Variants in CD6 observed in about 807,000 individuals in gnomAD.
The protein encoded by CD6 is CD6 molecule, also known as T-cell differentiation antigen CD6.
CD6 carries 53 observed loss-of-function variants against 75.3 expected under a neutral mutation model. The ratio of observed to expected loss-of-function variants is 0.70; its 90% CI spans 0.56 to 0.88. CD6 has a LOEUF of 0.88. Among genes scored for constraint, CD6 ranks in the 40% least tolerant of loss-of-function variants. CD6 has a pLI of 0.00. For missense variants in CD6, 770 were observed against 897.1 expected (o/e 0.86, Z 1.81); for synonymous variants, 359 against 381.5 (o/e 0.94, Z 0.69).
intron 9 of CD6, 138 bp from the exon 10 acceptor site, chr11:61,017,341 C>G (rs1290350810): frequency 1.5e-6 from 1 of 662,762 alleles, no homozygotes; most frequent in Non-Finnish European, 2.7e-6. Context: ...ATGGGAAATG[C>G]TAAGCCCTCT....
chr11:61,005,127 G>A (rs1021048281), intron 1 of CD6, among the ~76,000 whole-genome samples: 3 of 152,238 alleles, frequency 2.0e-5, no homozygotes, highest in East Asian at 1.9e-4. Flanking sequence ...TCAGGCCCAC[G>A]CATCAGTTGG....
chr11:61,006,098 C>T (rs1858843170), intron 1 of CD6, among the ~76,000 whole-genome samples: 1 of 152,222 alleles, frequency 6.6e-6, no homozygotes. Flanking sequence ...ATATGAAATT[C>T]TCAAACAAAT....
At chr11:60,992,579 G>A (rs1858109993) in intron 1 of CD6, among the ~76,000 whole-genome samples, 1 of 152,094 alleles carries the variant, frequency 6.6e-6, no homozygotes, top group African/African-American at 2.4e-5. Flanking sequence ...TGTAATCCCA[G>A]CACTTTGGGA....
chr11:60,973,806 G>A (rs906967168), intron 1 of CD6, among the ~76,000 whole-genome samples: 1 of 152,176 alleles, frequency 6.6e-6, no homozygotes, highest in African/African-American at 2.4e-5. Context: ...CGCGGCTTCT[G>A]TAAACTCTCC....
intron 1 of CD6, chr11:60,989,531 A>C (rs918816517): frequency 2.6e-5 from 4 of 152,456 alleles, no homozygotes; most frequent in Non-Finnish European, 4.4e-5. Context: ...GAGAGACAAC[A>C]TTCGAGTCAG....
Position 61,020,048 on chromosome 11 carries a change from G to T in CD6, c.*730G>T, listed in dbSNP as rs1023045692. 2 of 397,758 alleles carry T rather than the reference G, an allele frequency of 5.0e-6. No individual in the cohort carries two copies. Among genetic ancestry groups the T allele is most frequent in the East Asian group, 3.6e-5 (1 of 28,068 alleles). The allele number at this position is 397,758 out of a possible 1,614,324, so 24.6% of individuals were successfully genotyped here. Reference sequence around the variant, plus strand: ...CTGCAGTGACTGTCCCTGGACAATGGGTCTTTATTCTGAGTTTCCTATGGT... The same window carrying T: ...CTGCAGTGACTGTCCCTGGACAATGTGTCTTTATTCTGAGTTTCCTATGGT... On this transcript the variant is annotated 3_prime_UTR_variant, in exon 13 of 13. Transcript: ENST00000313421.
chr11:61,013,913 C>A lies in CD6; in HGVS notation c.1292-6C>A. On this transcript the variant is annotated splice_polypyrimidine_tract_variant and splice_region_variant and intron_variant, in intron 7 of 12. Transcript: ENST00000313421. The stretch of plus-strand genomic sequence containing the variant: ...ACTTGTAGAATTTCTGCCTCCCCTC[C>A]CTCAGCCCTCCCCGTAATGGTGAAC... 1 of 1,598,806 alleles carries A rather than the reference C, an allele frequency of 6.3e-7. No homozygotes were observed. Among genetic ancestry groups the A allele is most frequent in the Non-Finnish European group, 8.5e-7 (1 of 1,171,822 alleles).
At chr11:60,998,911 C>G (rs1858437119) in intron 1 of CD6, among the ~76,000 whole-genome samples, 1 of 150,874 alleles carries the variant, frequency 6.6e-6, no homozygotes, top group Non-Finnish European at 1.5e-5. Context: ...GTAATCCCAG[C>G]ATTTTGGGAG....
In CD6 at chr11:61,015,758, C is replaced by T; in HGVS notation, c.1433C>T (p.Ser478Leu). The change falls in exon 9 of 13, where the codon TCA (serine) becomes TTA (leucine). Residue 478 changes from serine (S) to leucine (L), a missense_variant. Coordinates refer to ENST00000313421, the MANE Select transcript of CD6 (RefSeq NM_006725.5). The part of the protein sequence containing the change: ...IQVQAPPPED[S>L]DSGSDSDYEH... Reference sequence around the variant, plus strand: ...GTCCAGGCCCCGCCCCCTGAGGACTCAGACTCTGGCTCGGACTCAGACTAT... The same window carrying T: ...GTCCAGGCCCCGCCCCCTGAGGACTTAGACTCTGGCTCGGACTCAGACTAT... 2 of 1,614,184 alleles carry T rather than the reference C, an allele frequency of 1.2e-6. No homozygotes were observed. Among genetic ancestry groups the T allele is most frequent in the Non-Finnish European group, 1.7e-6 (2 of 1,180,020 alleles).
rs768691551 is a variant in CD6, at chr11:61,008,537, A to G, written c.473A>G (p.Asn158Ser). Residue 158 changes from asparagine to serine, a missense_variant, in exon 4 of 13, where the codon AAC becomes AGC. Physicochemically the swap from Asn to Ser is conservative, Grantham distance 46 (BLOSUM62 1). Transcript: ENST00000313421. ...GRRARVTCAE[N>S]RALRLVDGGG... The stretch of plus-strand genomic sequence containing the variant: ...CACAACCCCCTCCCACCCCTAGAGA[A>G]CCGCGCGCTGCGCCTGGTGGACGGT... The G allele has an allele frequency of 6.3e-7, 1 of 1,595,088 alleles. No individual in the cohort carries two copies.
At chr11:61,019,034 T>G (rs1859555973) in intron 12 of CD6, 1 of 471,464 alleles carries the variant, frequency 2.1e-6, no homozygotes, top group African/African-American at 2.0e-5. Flanking sequence ...TGTCGTGCAG[T>G]GTGCCATTGT....
chr11:60,972,183 G>A (rs1857209557), intron 1 of CD6, among the ~76,000 whole-genome samples: 1 of 152,184 alleles, frequency 6.6e-6, no homozygotes, highest in Non-Finnish European at 1.5e-5. Context: ...AGGGTGTGAG[G>A]AGGGAGGTGC....
At chr11:60,999,861 A>G (rs1406510617) in intron 1 of CD6, among the ~76,000 whole-genome samples, 3 of 152,074 alleles carry the variant, frequency 2.0e-5, no homozygotes, top group African/African-American at 7.2e-5. Context: ...AGCATGGCCA[A>G]CATAGTGAAA....
intron 1 of CD6, among the ~76,000 whole-genome samples, chr11:60,976,616 G>C (rs1336963968): frequency 6.6e-6 from 1 of 152,124 alleles, no homozygotes; most frequent in Non-Finnish European, 1.5e-5. Flanking sequence ...AGGTAACTTG[G>C]GTTATGCCAA....
intron 6 of CD6, 96 bp from the exon 7 acceptor site, chr11:61,013,327 A>G: frequency 7.2e-7 from 1 of 1,392,510 alleles, no homozygotes; most frequent in East Asian, 2.3e-5. Context: ...GATAACATAA[A>G]AAGGGAAGCA....
intron 9 of CD6, 32 bp downstream of exon 9, chr11:61,015,867 C>G (rs997885208): frequency 1.2e-6 from 2 of 1,611,854 alleles, no homozygotes; most frequent in Non-Finnish European, 1.7e-6. Flanking sequence ...CGAGGGCCCA[C>G]CTACCTGAAT....
Position 61,018,327 on chromosome 11 carries a change from G to A in CD6, c.1876G>A (p.Gly626Arg), listed in dbSNP as rs1304919313. 7.5e-6 allele frequency: 12 copies of A among 1,608,210 alleles called. No individual in the cohort carries two copies. Among genetic ancestry groups the A allele is most frequent in the South Asian group, 4.5e-5 (4 of 89,738 alleles). ...TGATGACAGCTCCAGCACCTCATCCGGGGAGTGGTACCAGAACTTCCAGCC... is the reference window on the plus strand; with the variant it reads ...TGATGACAGCTCCAGCACCTCATCCAGGGAGTGGTACCAGAACTTCCAGCC... ...PADDSSSTSS[G>R]EWYQNFQPPP... is the part of the protein sequence containing the mutation. The change falls in exon 12 of 13, where the codon GGG becomes AGG. Residue 626 changes from glycine (G) to arginine (R), a missense_variant. Transcript: ENST00000313421.
At position 61,015,726 on chromosome 11, in the gene CD6, C is replaced by T. The variant is rs753644094; in HGVS notation, c.1401C>T (p.Pro467=). Reference sequence around the variant, plus strand: ...TTCTCTCCCCAGTTTTCATGCTGCCCATCCAGGTCCAGGCCCCGCCCCCTG... The same window carrying T: ...TTCTCTCCCCAGTTTTCATGCTGCCTATCCAGGTCCAGGCCCCGCCCCCTG... ...ITIPKEVFML[P]IQVQAPPPED... is the part of the protein sequence containing the mutation. The change falls in exon 9 of 13, where the codon CCC becomes CCT. Residue 467 remains proline (P), a synonymous_variant. Coordinates refer to ENST00000313421, the MANE Select transcript of CD6 (RefSeq NM_006725.5). 1.2e-6 allele frequency: 2 copies of T among 1,614,212 alleles called. No individual in the cohort carries two copies. The highest frequency in any genetic ancestry group is 1.7e-6 in the Non-Finnish European group (2 of 1,180,034).
chr11:61,000,188 C>T (rs531966952), intron 1 of CD6, among the ~76,000 whole-genome samples: 32 of 152,202 alleles, frequency 2.1e-4, no homozygotes, highest in African/African-American at 7.5e-4. Flanking sequence ...AGTCTCCAGG[C>T]AGTATGGTAC....
Sources: allele counts gnomAD v4.1 joint callset (sites outside exome capture counted in the v4.1 genomes callset), GRCh38; gene constraint gnomAD v4.1.1; transcripts MANE v1.5; gene names NCBI Gene and HGNC (gene_info 2026-07-23, HGNC 2026-07-21).